Variants in EIF3I observed in about 807,000 individuals in gnomAD.
EIF3I encodes eukaryotic translation initiation factor 3 subunit I.
In EIF3I, 20 loss-of-function variants were observed where a neutral mutation model predicts 43.3. That is an observed-to-expected ratio of 0.46 (90% CI 0.32 to 0.67). EIF3I has a LOEUF of 0.67. Among genes scored for constraint, EIF3I ranks in the 30% least tolerant of loss-of-function variants. The probability of loss-of-function intolerance (pLI) is 0.03; values close to 1 mark genes in which losing one functional copy is unlikely to be tolerated. For synonymous variants in EIF3I, 167 were observed against 151.7 expected (o/e 1.10, Z -0.74); for missense variants, 279 against 421.4 (o/e 0.66, Z 2.96).
chr1:32,222,766 G>A (rs1045011470), intron 2 of EIF3I, 136 bp downstream of exon 2: 1 of 851,798 alleles, frequency 1.2e-6, no homozygotes, highest in Admixed American at 2.3e-5. Flanking sequence ...CATGCCGGGG[G>A]TAGGTTGGCG....
At chr1:32,234,906 G>C (rs1569868215), downstream of EIF3I, 1 of 152,660 alleles carries the variant, frequency 6.6e-6, no homozygotes, top group Admixed American at 6.5e-5. Flanking sequence ...CAGGGGTTGA[G>C]AGCCCTGCCC....
At chr1:32,226,140 A>C in intron 4 of EIF3I, 31 bp from the exon 5 acceptor site, 1 of 1,608,130 alleles carries the variant, frequency 6.2e-7, no homozygotes, top group Non-Finnish European at 8.5e-7. Context: ...ATTGCAATGG[A>C]TGGTGTAGCC....
intron 6 of EIF3I, among the ~76,000 whole-genome samples, chr1:32,227,742 T>C (rs1639169338): frequency 6.6e-6 from 1 of 152,166 alleles, no homozygotes; most frequent in African/African-American, 2.4e-5. Context: ...GCCACTGTAC[T>C]CCAGCCTGGG....
At chr1:32,222,657 G>C in intron 2 of EIF3I, 27 bp downstream of exon 2, 1 of 1,607,258 alleles carries the variant, frequency 6.2e-7, no homozygotes. Flanking sequence ...GGGGGTCCGG[G>C]AGGGGCGGGA....
chr1:32,228,788 C>G lies in EIF3I; in HGVS notation c.701C>G (p.Ser234Ter). The change falls in exon 8 of 12, where the codon TCA becomes TGA. Residue 234 changes from serine to a stop codon, truncating the protein, a stop_gained. Transcript: ENST00000676679. LOFTEE classifies it high-confidence loss of function. ...TTCCGGACAGAACGTCCTGTCAACT[C>G]AGCTGCCCTCTCCCCCAACTATGAC... 1 of 1,614,144 alleles carries G rather than the reference C, an allele frequency of 6.2e-7. No individual in the cohort carries two copies. Among genetic ancestry groups the G allele is most frequent in the Non-Finnish European group, 8.5e-7 (1 of 1,180,012 alleles).
exon 6 of EIF3I, chr1:32,226,488 C>A (rs529692171): frequency 6.3e-7 from 1 of 1,591,640 alleles, no homozygotes; most frequent in African/African-American, 1.3e-5. Context: ...AGTGCATCAT[C>A]GCTGGCCATG....
intron 6 of EIF3I, among the ~76,000 whole-genome samples, chr1:32,227,818 ACTGAGTATAATGCCCTGTATAATG>A (rs1474473785): frequency 3.3e-5 from 5 of 152,198 alleles, no homozygotes; most frequent in African/African-American, 1.2e-4. Flanking sequence ...CCTTGCCACC[ACTGAGTATAATGCCCTGTATAATG>A]CTGAGTATAA....
chr1:32,224,154 T>G, intron 3 of EIF3I, 33 bp downstream of exon 3: 1 of 1,609,082 alleles, frequency 6.2e-7, no homozygotes, highest in Non-Finnish European at 8.5e-7. Flanking sequence ...TCCGTGTTGC[T>G]AGGGTCTGTC....
At chr1:32,224,765 G>T (rs1334392659) in intron 4 of EIF3I, among the ~76,000 whole-genome samples, 2 of 151,708 alleles carry the variant, frequency 1.3e-5, no homozygotes, top group East Asian at 3.9e-4. Flanking sequence ...CTGTCTCCCG[G>T]GTTCAAGGGA....
chr1:32,228,819 A>G lies in EIF3I; in HGVS notation c.729+3A>G, dbSNP rs1165635273. 1.2e-6 allele frequency: 2 copies of G among 1,611,518 alleles called. No homozygotes were observed. The highest frequency in any genetic ancestry group is 1.7e-5 in the Admixed American group (1 of 59,834). Reference sequence around the variant, plus strand: ...CCCTCTCCCCCAACTATGACCATGTAAGAGAACCCCACCTGCCTTCCTGCT... The same window carrying G: ...CCCTCTCCCCCAACTATGACCATGTGAGAGAACCCCACCTGCCTTCCTGCT... On this transcript the variant is annotated splice_donor_region_variant and intron_variant, in intron 8 of 11. Coordinates refer to ENST00000676679, the Ensembl canonical transcript of EIF3I.
chr1:32,226,083 A>G, intron 4 of EIF3I, 88 bp from the exon 5 acceptor site: 1 of 1,507,348 alleles, frequency 6.6e-7, no homozygotes, highest in Non-Finnish European at 9.0e-7. Flanking sequence ...GGAGCAAGAC[A>G]AACAGTGAGA....
chr1:32,228,991 G>C, intron 8 of EIF3I, 144 bp from the exon 9 acceptor site: 1 of 1,066,412 alleles, frequency 9.4e-7, no homozygotes, highest in Admixed American at 2.3e-5. Flanking sequence ...GCCAGCAGGA[G>C]GTGGCAGAAG....
chr1:32,225,166 G>C (rs1031851899), intron 4 of EIF3I, among the ~76,000 whole-genome samples: 1 of 151,982 alleles, frequency 6.6e-6, no homozygotes, highest in South Asian at 2.1e-4. Context: ...AGTAGAGACA[G>C]GGTTTCACCA....
rs139431822 is a variant in EIF3I, at chr1:32,225,085, C to T, written c.250+610C>T. Among the ~76,000 whole-genome samples, 1,081 of 152,172 alleles carry T rather than the reference C, an allele frequency of 7.1e-3. 1 individual carries two copies. Among genetic ancestry groups the T allele is most frequent in the Non-Finnish European group, 0.01 (683 of 68,000 alleles). ...CAGACCTCAGGTAATCCACCCACCT[C>T]GGCCTTCCAAAGTGCTGGGATTACA... On this transcript the variant is annotated intron_variant, in intron 4 of 11. Transcript: ENST00000676679.
rs747571117 is a variant in EIF3I, at chr1:32,226,309, C to T, written c.389C>T (p.Pro130Leu). ...GTGAGCTTTTTTGACCTGCGGGATC[C>T]GAGCCAGATTGGTGAGGGCTGGGAA... Residue 130 changes from proline (P) to leucine (L), a missense_variant, in exon 5 of 12, where the codon CCG (proline) becomes CTG (leucine). This residue lies in a region of EIF3I where 156 missense variants were observed against 178.8 expected (regional missense o/e 0.87). Transcript: ENST00000676679. 13 of 1,614,094 alleles carry T rather than the reference C, an allele frequency of 8.1e-6. 1 individual carries two copies. The highest frequency in any genetic ancestry group is 7.7e-5 in the South Asian group (7 of 91,076).
intron 6 of EIF3I, 107 bp from the exon 7 acceptor site, chr1:32,228,392 A>G (rs1639180929): frequency 3.4e-6 from 3 of 889,498 alleles, no homozygotes; most frequent in Admixed American, 1.9e-5. Flanking sequence ...GGTGAGGAAA[A>G]CACAAAGTCC....
downstream of EIF3I, among the ~76,000 whole-genome samples, chr1:32,232,667 G>T (rs1206973401): frequency 6.6e-6 from 1 of 152,228 alleles, no homozygotes; most frequent in African/African-American, 2.4e-5. Flanking sequence ...CCAGATGGAA[G>T]AGACCAGTGT....
chr1:32,228,858 GC>G, intron 8 of EIF3I, 42 bp downstream of exon 8: 1 of 1,522,034 alleles, frequency 6.6e-7, no homozygotes, highest in South Asian at 1.1e-5. Context: ...GCCTCAGGAA[GC>G]TTCCAAGTTC....
At chr1:32,233,807 C>T (rs1037061808), downstream of EIF3I, among the ~76,000 whole-genome samples, 2 of 152,112 alleles carry the variant, frequency 1.3e-5, no homozygotes, top group Admixed American at 1.3e-4. Context: ...CCCTTTAATC[C>T]TTGTTTTCAA....
Sources: allele counts gnomAD v4.1 joint callset (sites outside exome capture counted in the v4.1 genomes callset), GRCh38; gene constraint gnomAD v4.1.1; regional missense constraint gnomAD v4.1.1; transcripts MANE v1.5; gene names NCBI Gene and HGNC (gene_info 2026-07-23, HGNC 2026-07-21).